Variants in SDCBP observed in about 807,000 individuals in gnomAD.
SDCBP encodes the protein syndecan binding protein.
Under a neutral mutation model 30.5 loss-of-function variants are expected in SDCBP, and 22 were observed. The observed-to-expected ratio is 0.72, with a 90% CI of 0.52 to 1.03. The LOEUF is 1.03. SDCBP is among the 50% of genes least tolerant of loss of function. SDCBP has a pLI of 0.00. For synonymous variants in SDCBP, 103 were observed against 118.7 expected (o/e 0.87, Z 0.86); for missense variants, 304 against 369.9 (o/e 0.82, Z 1.46).
At chr8:58,574,501 A>G (rs1805213589) in intron 4 of SDCBP, among the ~76,000 whole-genome samples, 1 of 152,192 alleles carries the variant, frequency 6.6e-6, no homozygotes, top group African/African-American at 2.4e-5. Flanking sequence ...CCAAATACCT[A>G]GAAGGGTGAT....
At position 58,570,905 on chromosome 8, in the gene SDCBP, G is replaced by C. The variant is rs1804976002; in HGVS notation, c.70G>C (p.Ala24Pro). The C allele has an allele frequency of 6.2e-7, 1 of 1,612,774 alleles. No individual in the cohort carries two copies. Among genetic ancestry groups the C allele is most frequent in the Non-Finnish European group, 8.5e-7 (1 of 1,179,330 alleles). Residue 24 changes from alanine (A) to proline (P), a missense_variant, in exon 3 of 9, where the codon GCA (alanine) becomes CCA (proline). Coordinates refer to ENST00000260130, the MANE Select transcript of SDCBP (RefSeq NM_005625.4). ...TTTTCAGGCTCAAACTGCTTTTTCT[G>C]CAAACCCTGCCAATCCAGCAATTTT... ...KVIQAQTAFS[A>P]NPANPAILSE...
chr8:58,578,159 G>T lies in SDCBP; in HGVS notation c.529G>T (p.Val177Leu), dbSNP rs145153031. The change falls in exon 6 of 9, where the codon GTG (valine) becomes TTG (leucine). Residue 177 changes from valine to leucine, a missense_variant. Transcript: ENST00000260130. ...ATGGAGCTCTGATAAAGCGCACAAG[G>T]TGCTCAAACAGGCTTTTGGAGAGAA... ...AGWSSDKAHKVLKQAFGEKIT... is the reference protein window; with the variant it reads ...AGWSSDKAHKLLKQAFGEKIT... 4 of 1,605,262 alleles carry T rather than the reference G, an allele frequency of 2.5e-6. No homozygotes were observed. The highest frequency in any genetic ancestry group is 3.4e-6 in the Non-Finnish European group (4 of 1,176,924).
rs1424168039 is a variant in SDCBP, at chr8:58,581,679, CTT to C, written c.843-6_843-5del. 1 of 1,608,712 alleles carries C rather than the reference CTT, an allele frequency of 6.2e-7. No individual in the cohort carries two copies. Among genetic ancestry groups the C allele is most frequent in the South Asian group, 1.1e-5 (1 of 90,920 alleles). On this transcript the variant is annotated splice_polypyrimidine_tract_variant and splice_region_variant and intron_variant, in intron 8 of 8. Coordinates refer to ENST00000260130, the MANE Select transcript of SDCBP (RefSeq NM_005625.4). The stretch of plus-strand genomic sequence containing the variant: ...CTCGGTATATAATAAAAGTACCTCT[CTT>C]GTAGGATGGCACCAAGCATTATGAA...
In SDCBP at chr8:58,570,959, G is replaced by A. The variant is rs772253346; in HGVS notation, c.124G>A (p.Asp42Asn). The A allele has an allele frequency of 1.2e-5, 19 of 1,607,034 alleles. No homozygotes were observed. The highest frequency in any genetic ancestry group is 4.5e-5 in the East Asian group (2 of 44,754). Reference sequence around the variant, plus strand: ...AGAAGCTTCTGCTCCTATCCCTCACGATGGAAGTAGGTTTATACTTTGAGT... The same window carrying A: ...AGAAGCTTCTGCTCCTATCCCTCACAATGGAAGTAGGTTTATACTTTGAGT... The part of the protein sequence containing the change: ...LSEASAPIPH[D>N]GNLYPRLYPE... Residue 42 changes from aspartate to asparagine, a missense_variant, in exon 3 of 9, where the codon GAT becomes AAT. Physicochemically the swap from Asp to Asn is conservative, Grantham distance 23. Coordinates refer to ENST00000260130, the MANE Select transcript of SDCBP (RefSeq NM_005625.4).
At chr8:58,560,809 T>C (rs1804396177) in intron 1 of SDCBP, 1 of 152,168 alleles carries the variant, frequency 6.6e-6, no homozygotes, top group South Asian at 2.1e-4. Context: ...GGAGGGGTGA[T>C]ATTTTTTCAA....
intron 5 of SDCBP, 196 bp downstream of exon 5, chr8:58,576,257 A>G: frequency 2.0e-6 from 1 of 502,006 alleles, no homozygotes; most frequent in Non-Finnish European, 3.5e-6. Flanking sequence ...ACTTCTGACC[A>G]CATTACTTTG....
chr8:58,563,165 C>T (rs1374615752), intron 1 of SDCBP, among the ~76,000 whole-genome samples: 2 of 152,014 alleles, frequency 1.3e-5, no homozygotes, highest in African/African-American at 4.8e-5. Context: ...TTTATAATAG[C>T]CAAAAGTGCA....
intron 1 of SDCBP, among the ~76,000 whole-genome samples, chr8:58,562,154 T>C (rs780872249): frequency 6.6e-6 from 1 of 151,566 alleles, no homozygotes; most frequent in South Asian, 2.1e-4. Flanking sequence ...TAGAAAATCA[T>C]TAACAAAATG....
intron 3 of SDCBP, 44 bp downstream of exon 3, chr8:58,571,009 G>T: frequency 1.4e-6 from 2 of 1,409,086 alleles, no homozygotes; most frequent in African/African-American, 1.4e-5. Context: ...CAGAAATATT[G>T]TTATCTTCTT....
intron 6 of SDCBP, 40 bp from the exon 7 acceptor site, chr8:58,579,578 TTTAGC>T: frequency 7.2e-7 from 1 of 1,392,846 alleles, no homozygotes; most frequent in Middle Eastern, 2.7e-4. Context: ...CATTAAAATG[TTTAGC>T]TTAGAATTAA....
Position 58,565,072 on chromosome 8 carries a change from C to T in SDCBP, c.39C>T (p.Asp13=), listed in dbSNP as rs1047627841. 12 of 1,566,000 alleles carry T rather than the reference C, an allele frequency of 7.7e-6. No individual in the cohort carries two copies. In the African/African-American group the frequency reaches 1.1e-4, roughly 14 times the overall value. The change falls in exon 2 of 9, where the codon GAC becomes GAT. Residue 13 remains aspartate (D), a synonymous_variant. Transcript: ENST00000260130. ...CATCTCTCGAAGACTTGAAGGTAGA[C>T]AAAGTAATTCAGGTATGATAGTTTA... ...LYPSLEDLKV[D]KVIQAQTAFS... is the part of the protein sequence containing the mutation.
chr8:58,560,703 A>T (rs1804388170), intron 1 of SDCBP: 1 of 152,304 alleles, frequency 6.6e-6, no homozygotes, highest in Non-Finnish European at 1.5e-5. Flanking sequence ...GGTCGAGAAG[A>T]AGCATCCTCA....
intron 1 of SDCBP, among the ~76,000 whole-genome samples, chr8:58,557,237 A>T (rs1301923603): frequency 7.7e-6 from 1 of 129,218 alleles, no homozygotes; most frequent in Non-Finnish European, 1.5e-5. Context: ...GGAAAATGAT[A>T]TTAATTTTAA....
At chr8:58,564,928 A>G in intron 1 of SDCBP, 91 bp from the exon 2 acceptor site, 1 of 645,464 alleles carries the variant, frequency 1.5e-6, no homozygotes, top group Non-Finnish European at 2.7e-6. Flanking sequence ...TGAGTTAAAT[A>G]GTTCTACTTG....
intron 6 of SDCBP, chr8:58,578,427 C>G (rs1221169900): frequency 2.7e-6 from 1 of 375,388 alleles, no homozygotes; most frequent in African/African-American, 2.1e-5. Flanking sequence ...ACAAATCTCT[C>G]TAGAAAATAG....
At chr8:58,580,106 A>G (rs753179768) in intron 7 of SDCBP, among the ~76,000 whole-genome samples, 2 of 152,210 alleles carry the variant, frequency 1.3e-5, no homozygotes, top group Admixed American at 6.5e-5. Flanking sequence ...AAGGAAATGA[A>G]TAATAGTTTT....
At chr8:58,571,195 T>A (rs1402443157) in intron 3 of SDCBP, among the ~76,000 whole-genome samples, 2 of 152,188 alleles carry the variant, frequency 1.3e-5, no homozygotes, top group East Asian at 3.8e-4. Context: ...GAAAATTAAT[T>A]TTAGACTGAC....
At chr8:58,556,249 G>A (rs1162884374) in intron 1 of SDCBP, among the ~76,000 whole-genome samples, 2 of 152,152 alleles carry the variant, frequency 1.3e-5, no homozygotes, top group Non-Finnish European at 2.9e-5. Flanking sequence ...ACTATATCAC[G>A]AGGAGCGTTT....
At chr8:58,576,979 T>A (rs1189000134) in intron 5 of SDCBP, among the ~76,000 whole-genome samples, 1 of 152,198 alleles carries the variant, frequency 6.6e-6, no homozygotes. Flanking sequence ...TCAAAATACA[T>A]CTGCGTGCTT....
Sources: gnomAD v4.1 joint callset for allele counts (sites outside exome capture counted in the v4.1 genomes callset) on GRCh38, gnomAD v4.1.1 for gene constraint, MANE v1.5 for transcripts, NCBI Gene and HGNC (gene_info 2026-07-23, HGNC 2026-07-21) for gene names.